Variants in PXMP2 observed in about 807,000 individuals in gnomAD.
PXMP2 encodes the protein peroxisomal membrane protein 2.
PXMP2 carries 13 observed loss-of-function variants against 20.2 expected under a neutral mutation model. The observed-to-expected ratio is 0.64, with a 90% CI of 0.42 to 1.02. PXMP2 has a LOEUF of 1.02. PXMP2 is among the 50% of genes least tolerant of loss of function. The probability of loss-of-function intolerance (pLI) is 0.00; values close to 1 mark genes in which losing one functional copy is unlikely to be tolerated. For synonymous variants in PXMP2, 113 were observed against 111.2 expected (o/e 1.02, Z -0.10); for missense variants, 284 against 251.8 (o/e 1.13, Z -0.87).
chr12:132,693,567 GCGCC>G, intron 2 of PXMP2, among the ~76,000 whole-genome samples: 1 of 82,664 alleles, frequency 1.2e-5, no homozygotes, highest in Non-Finnish European at 2.7e-5. Context: ...TAGTTAGTGA[GCGCC>G]CTTGCCAGTT....
At chr12:132,688,278 C>T (rs1305385343) in intron 1 of PXMP2, 4 of 211,694 alleles carry the variant, frequency 1.9e-5, no homozygotes, top group South Asian at 5.3e-5. Flanking sequence ...GTCTGCGGGG[C>T]GCGGGTGAAG....
At position 132,704,621 on chromosome 12, in the gene PXMP2, C is replaced by T; in HGVS notation, c.522C>T (p.Phe174=). The change falls in exon 5 of 5, where the codon TTC becomes TTT. Residue 174 remains phenylalanine (F), a splice_region_variant and synonymous_variant. Coordinates refer to ENST00000317479, the MANE Select transcript of PXMP2 (RefSeq NM_018663.3). ...TGTTGGACTGTTCTTTTCGGCAGTT[C>T]CGGGTGCTCTTCGCCAACCTGGCAG... is the stretch of plus-strand genomic sequence containing the variant. The part of the protein sequence containing the change: ...FININYVPLK[F]RVLFANLAAL... 1 of 1,450,180 alleles carries T rather than the reference C, an allele frequency of 6.9e-7. No homozygotes were observed. Among genetic ancestry groups the T allele is most frequent in the Non-Finnish European group, 9.1e-7 (1 of 1,095,366 alleles). The allele number at this position is 1,450,180 out of a possible 1,614,324, so 89.8% of individuals were successfully genotyped here.
intron 3 of PXMP2, among the ~76,000 whole-genome samples, chr12:132,699,697 G>A (rs959778949): frequency 7.3e-5 from 11 of 151,702 alleles, no homozygotes; most frequent in African/African-American, 2.7e-4. Context: ...GCGCGGCCGA[G>A]TTCATTCTTT....
intron 1 of PXMP2, among the ~76,000 whole-genome samples, chr12:132,689,379 C>T (rs1457731688): frequency 1.3e-5 from 2 of 152,146 alleles, no homozygotes; most frequent in African/African-American, 2.4e-5. Flanking sequence ...AGAAGTGGAG[C>T]AGAGGCTCTC....
At chr12:132,701,445 T>TC (rs1016577666) in intron 4 of PXMP2, 76 bp downstream of exon 4, 84 of 1,525,620 alleles carry the variant, frequency 5.5e-5, no homozygotes, top group East Asian at 3.2e-4. Flanking sequence ...TCCTCTTTCC[T>TC]CCCCCCCTCC....
intron 2 of PXMP2, among the ~76,000 whole-genome samples, chr12:132,695,643 C>T (rs1302767951): frequency 1.3e-5 from 2 of 152,186 alleles, no homozygotes; most frequent in East Asian, 3.8e-4. Context: ...GAGGAGCGAG[C>T]CAACATAGCT....
At chr12:132,701,436 C>T in intron 4 of PXMP2, 67 bp downstream of exon 4, 1 of 1,565,378 alleles carries the variant, frequency 6.4e-7, no homozygotes, top group South Asian at 1.1e-5. Context: ...TTCCTTCCTT[C>T]CTCTTTCCTC....
chr12:132,703,349 C>CA (rs1384013079), intron 4 of PXMP2, among the ~76,000 whole-genome samples: 8 of 152,294 alleles, frequency 5.3e-5, no homozygotes, highest in Admixed American at 5.2e-4. Context: ...GGGGTTCTGA[C>CA]ACTCAGAGAT....
intron 3 of PXMP2, among the ~76,000 whole-genome samples, chr12:132,699,774 G>C (rs1217623067): frequency 6.6e-6 from 1 of 152,040 alleles, no homozygotes; most frequent in Non-Finnish European, 1.5e-5. Flanking sequence ...TCCTCTGTTG[G>C]GGGACGTTTA....
At chr12:132,700,042 CT>C (rs147672956) in intron 3 of PXMP2, among the ~76,000 whole-genome samples, 97 of 144,144 alleles carry the variant, frequency 6.7e-4, no homozygotes, top group East Asian at 2.9e-3. Context: ...GTTTTTTGAC[CT>C]TTTTTTTTTT....
Position 132,695,920 on chromosome 12 carries a change from C to T in PXMP2, c.273C>T (p.Tyr91=). Residue 91 remains tyrosine, a synonymous_variant, in exon 3 of 5, where the codon TAC becomes TAT. Transcript: ENST00000317479. ...FFTGPLSHFF[Y]FFMEHWIPPE... ...CAGGGCCGCTGAGTCACTTCTTCTACTTCTTCATGGAACATTGGATCCCTC... is the reference window on the plus strand; with the variant it reads ...CAGGGCCGCTGAGTCACTTCTTCTATTTCTTCATGGAACATTGGATCCCTC... The T allele has an allele frequency of 6.2e-7, 1 of 1,609,670 alleles. No individual in the cohort carries two copies. Among genetic ancestry groups the T allele is most frequent in the Non-Finnish European group, 8.5e-7 (1 of 1,178,022 alleles).
Position 132,704,713 on chromosome 12 carries a change from A to G in PXMP2, c.*26A>G, listed in dbSNP as rs779659632. 7.5e-6 allele frequency: 12 copies of G among 1,590,594 alleles called. No individual in the cohort carries two copies. Among genetic ancestry groups the G allele is most frequent in the Non-Finnish European group, 8.6e-6 (10 of 1,167,052 alleles). ...CGACCGCTGGGAGAACATCAGGTGC[A>G]CTGTGGACGTGGGTCTGGGGGTCTC... On this transcript the variant is annotated 3_prime_UTR_variant, in exon 5 of 5. Transcript: ENST00000317479.
intron 1 of PXMP2, among the ~76,000 whole-genome samples, chr12:132,688,623 G>C (rs2043338781): frequency 2.5e-5 from 1 of 39,506 alleles, no homozygotes; most frequent in African/African-American, 8.5e-5. Context: ...GAGCGGGTCT[G>C]CGTGGTGCGG....
chr12:132,700,605 T>C (rs2043433666), intron 3 of PXMP2, among the ~76,000 whole-genome samples: 1 of 152,234 alleles, frequency 6.6e-6, no homozygotes, highest in South Asian at 2.1e-4. Context: ...AATATGCATA[T>C]ATTTTTTCCC....
rs1300262385 is a variant in PXMP2 at position 132,687,742 on chromosome 12, G to A, written c.72G>A (p.Gln24=). The A allele has an allele frequency of 8.2e-7, 1 of 1,223,700 alleles. No homozygotes were observed. 75.8% of individuals were successfully genotyped at this position (1,223,700 alleles called of 1,614,324 possible). The change falls in exon 1 of 5, where the codon CAG becomes CAA. Residue 24 remains glutamine (Q), a synonymous_variant. Coordinates refer to ENST00000317479, the MANE Select transcript of PXMP2 (RefSeq NM_018663.3). ...LGALPRRALA[Q]YLLFLRLYPV... ...CGCTGCCGCGGCGGGCGCTCGCCCA[G>A]TACCTGCTCTTCCTGCGGCTCTACC...
chr12:132,695,913 T>A lies in PXMP2; in HGVS notation c.266T>A (p.Phe89Tyr), dbSNP rs548682411. ...TTCTTCACAGGGCCGCTGAGTCACT[T>A]CTTCTACTTCTTCATGGAACATTGG... ...GFFFTGPLSHFFYFFMEHWIP... is the reference protein window; with the variant it reads ...GFFFTGPLSHYFYFFMEHWIP... The change falls in exon 3 of 5, where the codon TTC (phenylalanine) becomes TAC (tyrosine). Residue 89 changes from phenylalanine to tyrosine, a missense_variant. Phe to Tyr is a conservative substitution (Grantham distance 22, BLOSUM62 3). Transcript: ENST00000317479. 22 of 1,608,164 alleles carry A rather than the reference T, an allele frequency of 1.4e-5. No homozygotes were observed. The highest frequency in any genetic ancestry group is 2.7e-5 in the African/African-American group (2 of 74,906).
At chr12:132,687,827 G>T in intron 1 of PXMP2, 35 bp downstream of exon 1, 1 of 1,127,966 alleles carries the variant, frequency 8.9e-7, no homozygotes, top group Non-Finnish European at 1.1e-6. Context: ...CGCCGCCCCG[G>T]CCCCAGGTCG....
Position 132,696,008 on chromosome 12 carries a change from T to C in PXMP2, c.361T>C (p.Phe121Leu), listed in dbSNP as rs144611088. ...LLDRLVFAPAFLMLFFLIMNF... is the reference protein window; with the variant it reads ...LLDRLVFAPALLMLFFLIMNF... ...GGACCGCCTCGTCTTTGCACCGGCC[T>C]TCCTCATGTTGTTCTTCCTCATCAT... Residue 121 changes from phenylalanine (F) to leucine (L), a missense_variant, in exon 3 of 5, where the codon TTC becomes CTC. Physicochemically the swap from Phe to Leu is conservative, Grantham distance 22. Transcript: ENST00000317479. The surrounding 1 kb of genome is among the most constrained non-coding windows in gnomAD (Gnocchi z 4.4). 7.5e-6 allele frequency: 12 copies of C among 1,610,566 alleles called. No homozygotes were observed. In the East Asian group the frequency reaches 2.7e-4, roughly 36 times the overall value.
intron 4 of PXMP2, 77 bp from the exon 5 acceptor site, chr12:132,704,534 AAACAAATG>A: frequency 8.8e-7 from 1 of 1,130,338 alleles, no homozygotes; most frequent in Non-Finnish European, 1.2e-6. Context: ...ACAAACGGGT[AAACAAATG>A]AACTGGGTGA....
Sources: allele counts gnomAD v4.1 joint callset (sites outside exome capture counted in the v4.1 genomes callset), GRCh38; gene constraint gnomAD v4.1.1; non-coding constraint Gnocchi (gnomAD v3.1); transcripts MANE v1.5; gene names NCBI Gene and HGNC (gene_info 2026-07-23, HGNC 2026-07-21).